PTCSC3: variants seen among roughly 807,000 people sequenced by gnomAD.
The protein encoded by PTCSC3 is papillary thyroid carcinoma susceptibility candidate 3, also known as papillary thyroid carcinoma susceptibility candidate 3 (non-protein coding).
chr14:36,141,909 C>T (rs983924533), intron 3 of PTCSC3, among the ~76,000 whole-genome samples: 3 of 152,114 alleles, frequency 2.0e-5, no homozygotes, highest in Non-Finnish European at 2.9e-5. Context: ...TGCTATTTGT[C>T]GTAATTGCTT....
At chr14:36,175,689 T>C (rs915362391) in intron 1 of PTCSC3, among the ~76,000 whole-genome samples, 1 of 152,220 alleles carries the variant, frequency 6.6e-6, no homozygotes, top group Non-Finnish European at 1.5e-5. Context: ...TTATGACTTA[T>C]CTACCAATTA....
intron 3 of PTCSC3, among the ~76,000 whole-genome samples, chr14:36,146,273 C>T (rs1881565210): frequency 6.8e-6 from 1 of 148,026 alleles, no homozygotes; most frequent in Admixed American, 6.7e-5. Flanking sequence ...GTTTAAGTCT[C>T]CCATTATTAA....
At chr14:36,160,009 G>A (rs571507613) in intron 2 of PTCSC3, among the ~76,000 whole-genome samples, 6 of 152,214 alleles carry the variant, frequency 3.9e-5, no homozygotes, top group African/African-American at 1.2e-4. Context: ...GATCTTTATT[G>A]GTTTAAAGTC....
chr14:36,156,349 C>T (rs1881825471), intron 2 of PTCSC3, among the ~76,000 whole-genome samples: 1 of 152,222 alleles, frequency 6.6e-6, no homozygotes, highest in Non-Finnish European at 1.5e-5. Flanking sequence ...CCTGATCAAA[C>T]AGTGGGTCTT....
chr14:36,153,681 A>G (rs1216894281), intron 3 of PTCSC3: 2 of 152,248 alleles, frequency 1.3e-5, no homozygotes, highest in African/African-American at 4.8e-5. Context: ...CCATAGCAGT[A>G]TAATTTATAA....
chr14:36,137,981 A>G (rs1372282579), intron 3 of PTCSC3, among the ~76,000 whole-genome samples: 2 of 152,154 alleles, frequency 1.3e-5, no homozygotes, highest in Non-Finnish European at 2.9e-5. Flanking sequence ...TTTCCTAAGG[A>G]GTGAGTGAAG....
intron 3 of PTCSC3, among the ~76,000 whole-genome samples, chr14:36,145,877 G>A (rs1285179401): frequency 5.8e-3 from 724 of 125,216 alleles, no homozygotes; most frequent in Admixed American, 7.8e-3. Context: ...GTTCTCGTTG[G>A]TTTCAAAGAA....
intron 3 of PTCSC3, chr14:36,153,678 A>G (rs534036195): frequency 1.3e-5 from 2 of 152,362 alleles, no homozygotes; most frequent in African/African-American, 2.4e-5. Flanking sequence ...TGTCCATAGC[A>G]GTATAATTTA....
intron 2 of PTCSC3, among the ~76,000 whole-genome samples, chr14:36,156,281 C>G (rs1881823992): frequency 6.6e-6 from 1 of 152,164 alleles, no homozygotes; most frequent in Non-Finnish European, 1.5e-5. Context: ...TGCATGCACA[C>G]ACGCTGATGT....
At chr14:36,148,796 T>A (rs543823104) in intron 3 of PTCSC3, among the ~76,000 whole-genome samples, 4 of 152,214 alleles carry the variant, frequency 2.6e-5, no homozygotes, top group Non-Finnish European at 5.9e-5. Context: ...CTAAATATTA[T>A]CACGTTGTGG....
intron 3 of PTCSC3, among the ~76,000 whole-genome samples, chr14:36,140,458 T>A (rs1447858261): frequency 6.6e-6 from 1 of 152,220 alleles, no homozygotes; most frequent in Non-Finnish European, 1.5e-5. Flanking sequence ...GCACTTTCCA[T>A]CCATAATAGA....
chr14:36,155,950 C>T (rs1179568168), intron 2 of PTCSC3, among the ~76,000 whole-genome samples: 1 of 152,168 alleles, frequency 6.6e-6, no homozygotes, highest in Non-Finnish European at 1.5e-5. Flanking sequence ...AGAAATGTTA[C>T]TGCATCCAAT....
At position 36,150,281 on chromosome 14, in the gene PTCSC3, A is replaced by G. The variant is rs79084656; in HGVS notation, n.322+3523T>C. ...GTTGAGTTATGAGGGTAGAGCCCTCATGAATGGTATTATTGCCTTTATAAA... is the reference window on the plus strand; with the variant it reads ...GTTGAGTTATGAGGGTAGAGCCCTCGTGAATGGTATTATTGCCTTTATAAA... On this transcript the variant is annotated intron_variant and non_coding_transcript_variant, in intron 3 of 3. Coordinates refer to ENST00000556013, the Ensembl canonical transcript of PTCSC3. Among the ~76,000 whole-genome samples the G allele has an allele frequency of 3.8e-3, 576 of 152,296 alleles. 4 individuals are homozygous for G. The highest frequency in any genetic ancestry group is 0.017 in the Middle Eastern group (5 of 294).
chr14:36,141,430 CAT>C (rs1406502115), intron 3 of PTCSC3, among the ~76,000 whole-genome samples: 1 of 151,850 alleles, frequency 6.6e-6, no homozygotes, highest in African/African-American at 2.4e-5. Context: ...CAGTTTTCCT[CAT>C]ATATATTTTG....
chr14:36,155,419 A>C (rs951747308), intron 2 of PTCSC3, among the ~76,000 whole-genome samples: 1 of 152,124 alleles, frequency 6.6e-6, no homozygotes, highest in Admixed American at 6.6e-5. Context: ...AAGAGTTCAC[A>C]AGTGGTTCTT....
chr14:36,173,626 A>T (rs933691012), intron 1 of PTCSC3, among the ~76,000 whole-genome samples: 2 of 152,136 alleles, frequency 1.3e-5, no homozygotes, highest in Non-Finnish European at 2.9e-5. Flanking sequence ...ATCTATCTTC[A>T]GCACAGTCCT....
chr14:36,152,907 A>AAAAG (rs1476628009), intron 3 of PTCSC3, among the ~76,000 whole-genome samples: 1 of 151,582 alleles, frequency 6.6e-6, no homozygotes, highest in Non-Finnish European at 1.5e-5. Flanking sequence ...AGGAAAAAAA[A>AAAAG]AAAGAAAGAA....
intron 3 of PTCSC3, among the ~76,000 whole-genome samples, chr14:36,143,944 G>A (rs1184202677): frequency 1.3e-5 from 2 of 151,824 alleles, no homozygotes; most frequent in Non-Finnish European, 2.9e-5. Context: ...GTTTTTCTCA[G>A]GTTTGTCAAA....
intron 1 of PTCSC3, among the ~76,000 whole-genome samples, chr14:36,167,714 G>A (rs556483896): frequency 2.5e-4 from 38 of 152,226 alleles, no homozygotes; most frequent in African/African-American, 8.7e-4. Flanking sequence ...GTGAAGGAAA[G>A]AACCAATCAA....
Sources: gnomAD v4.1 joint callset for allele counts (sites outside exome capture counted in the v4.1 genomes callset) on GRCh38, gnomAD v4.1.1 for gene constraint, MANE v1.5 for transcripts, NCBI Gene and HGNC (gene_info 2026-07-23, HGNC 2026-07-21) for gene names.